The following CADPS variants were observed in gnomAD, a reference collection of about 807,000 sequenced individuals.
The protein encoded by CADPS is calcium-dependent secretion activator 1.
A neutral mutation model predicts 167.3 loss-of-function variants in CADPS; 57 were observed. The observed-to-expected ratio is 0.34, with a 90% CI of 0.28 to 0.42. The LOEUF is 0.42. Among genes scored for constraint, CADPS ranks in the 20% least tolerant of loss-of-function variants. The pLI, the probability that CADPS is intolerant of heterozygous loss-of-function variation, is 1.00. For missense variants in CADPS, 1,414 were observed against 1,738.1 expected (o/e 0.81, Z 3.32); for synonymous variants, 676 against 635.3 (o/e 1.06, Z -0.96).
chr3:62,706,579 CT>C, intron 3 of CADPS, among the ~76,000 whole-genome samples: 1 of 152,246 alleles, frequency 6.6e-6, no homozygotes. Flanking sequence ...AGGGTTGCCT[CT>C]GAGGCCACAA....
intron 1 of CADPS, among the ~76,000 whole-genome samples, chr3:62,803,091 T>C (rs1237848927): frequency 6.6e-6 from 1 of 152,112 alleles, no homozygotes; most frequent in Non-Finnish European, 1.5e-5. Context: ...ACCTCCACTA[T>C]TCTGCCTTCA....
chr3:62,833,435 G>A (rs899348948), intron 1 of CADPS, among the ~76,000 whole-genome samples: 10 of 151,942 alleles, frequency 6.6e-5, no homozygotes, highest in Non-Finnish European at 1.2e-4. Flanking sequence ...GATTACAGGT[G>A]GAAGCCACTT....
chr3:62,511,568 T>A (rs1173610035), intron 17 of CADPS, among the ~76,000 whole-genome samples: 2 of 152,182 alleles, frequency 1.3e-5, no homozygotes, highest in Admixed American at 1.3e-4. Context: ...GCTATCTGGC[T>A]TTACATATTT....
At chr3:62,623,349 G>A (rs1193106602) in intron 6 of CADPS, among the ~76,000 whole-genome samples, 2 of 152,148 alleles carry the variant, frequency 1.3e-5, no homozygotes, top group African/African-American at 2.4e-5. Flanking sequence ...CAGAGAGACA[G>A]GGAGTTGACT....
chr3:62,802,202 G>T (rs960006432), intron 1 of CADPS, among the ~76,000 whole-genome samples: 1 of 152,104 alleles, frequency 6.6e-6, no homozygotes, highest in Non-Finnish European at 1.5e-5. Flanking sequence ...AGTGCATAAT[G>T]ATGCCAAATT....
intron 11 of CADPS, among the ~76,000 whole-genome samples, chr3:62,542,496 G>C (rs897735452): frequency 2.6e-5 from 4 of 152,066 alleles, no homozygotes; most frequent in Admixed American, 1.3e-4. Context: ...GCTTTCCTTG[G>C]AATAGTCAAG....
chr3:62,874,998 G>A lies in CADPS; in HGVS notation c.32C>T (p.Ser11Leu). MLDPSSSEEE[S>L]DEIVEEESGK... The stretch of plus-strand genomic sequence containing the variant: ...GCTCTCCTCCTCCACGATCTCATCC[G>A]ATTCTTCTTCGCTGGACGAAGGGTC... The change falls in exon 1 of 30, where the codon TCG becomes TTG. Residue 11 changes from serine (S) to leucine (L), a missense_variant. This residue lies in a region of CADPS where 522 missense variants were observed against 559.5 expected (regional missense o/e 0.93). Coordinates refer to ENST00000383710, the MANE Select transcript of CADPS (RefSeq NM_003716.4). This position sits in a 1 kb window ranked among gnomAD's most constrained non-coding sequence, Gnocchi z 7.1. 1.3e-6 allele frequency: 2 copies of A among 1,596,852 alleles called. No individual in the cohort carries two copies. The highest frequency in any genetic ancestry group is 1.7e-6 in the Non-Finnish European group (2 of 1,171,968).
At chr3:62,590,290 T>C (rs1191614953) in intron 7 of CADPS, among the ~76,000 whole-genome samples, 1 of 152,142 alleles carries the variant, frequency 6.6e-6, no homozygotes, top group African/African-American at 2.4e-5. Context: ...TTACACTTGT[T>C]CCTTCTAACA....
chr3:62,853,635 AAAAAGAAAAG>A (rs889148384), intron 1 of CADPS, among the ~76,000 whole-genome samples: 19 of 150,506 alleles, frequency 1.3e-4, no homozygotes, highest in Non-Finnish European at 2.4e-4. Context: ...AAAAAAAAAA[AAAAAGAAAAG>A]AAAAGAAAAG....
intron 6 of CADPS, among the ~76,000 whole-genome samples, chr3:62,644,449 G>A (rs1421724277): frequency 6.6e-6 from 1 of 152,062 alleles, no homozygotes; most frequent in African/African-American, 2.4e-5. Context: ...GTGGACCGCT[G>A]AAACAGTACC....
chr3:62,656,392 A>G (rs2071590544), intron 4 of CADPS, among the ~76,000 whole-genome samples: 1 of 152,158 alleles, frequency 6.6e-6, no homozygotes, highest in Non-Finnish European at 1.5e-5. Flanking sequence ...GCTTCTATTT[A>G]TCCCTATTTT....
intron 2 of CADPS, among the ~76,000 whole-genome samples, chr3:62,759,191 A>G (rs2084743394): frequency 6.6e-6 from 1 of 152,100 alleles, no homozygotes; most frequent in Non-Finnish European, 1.5e-5. Context: ...AAGTTACTTA[A>G]TCTTCCTGGG....
intron 28 of CADPS, among the ~76,000 whole-genome samples, chr3:62,422,510 CTCTTT>C (rs957841016): frequency 1.4e-4 from 21 of 151,048 alleles, no homozygotes; most frequent in Middle Eastern, 6.8e-3. Flanking sequence ...TCTTTCTTTC[CTCTTT>C]TCTTTTCCTT....
At chr3:62,813,283 C>A (rs1053307353) in intron 1 of CADPS, among the ~76,000 whole-genome samples, 1 of 151,912 alleles carries the variant, frequency 6.6e-6, no homozygotes, top group African/African-American at 2.4e-5. Flanking sequence ...TCCAGTAGAA[C>A]AGAATAGAGG....
At chr3:62,619,767 T>C (rs2062875418) in intron 6 of CADPS, among the ~76,000 whole-genome samples, 1 of 152,190 alleles carries the variant, frequency 6.6e-6, no homozygotes, top group Non-Finnish European at 1.5e-5. Flanking sequence ...ACTATTTGTT[T>C]AGGTTTTTGA....
At chr3:62,796,120 C>A (rs999307384) in intron 1 of CADPS, 3 of 152,178 alleles carry the variant, frequency 2.0e-5, no homozygotes, top group African/African-American at 7.2e-5. Context: ...TGGATTTTTT[C>A]GTAAGAGACA....
rs141191492 is a variant in CADPS at position 62,729,983 on chromosome 3, G to T, written c.888+23458C>A. ...TTTTGGCATAAAGCATTTAATTTCT[G>T]GTTTGAGACCTTTCAGAGCACTCTA... On this transcript the variant is annotated intron_variant, in intron 3 of 29. Transcript: ENST00000383710. Among the ~76,000 whole-genome samples, 58 of 151,972 alleles carry T rather than the reference G, an allele frequency of 3.8e-4. 3 individuals carry two copies. The highest frequency in any genetic ancestry group is 1.4e-3 in the African/African-American group (57 of 41,254).
chr3:62,670,039 C>T (rs539395542), intron 3 of CADPS, among the ~76,000 whole-genome samples: 51 of 152,138 alleles, frequency 3.4e-4, no homozygotes, highest in Non-Finnish European at 5.9e-4. Context: ...TCATGGATTT[C>T]GGAATCAGAA....
At chr3:62,868,797 G>T (rs1404711522) in intron 1 of CADPS, among the ~76,000 whole-genome samples, 1 of 152,102 alleles carries the variant, frequency 6.6e-6, no homozygotes, top group East Asian at 1.9e-4. Context: ...GAATGAATTT[G>T]TAAGTCTTGG....
Sources: allele counts gnomAD v4.1 joint callset (sites outside exome capture counted in the v4.1 genomes callset), GRCh38; gene constraint gnomAD v4.1.1; regional missense constraint gnomAD v4.1.1; non-coding constraint Gnocchi (gnomAD v3.1); transcripts MANE v1.5; gene names NCBI Gene and HGNC (gene_info 2026-07-23, HGNC 2026-07-21).